GMDS: variants seen among roughly 807,000 people sequenced by gnomAD.
GMDS encodes GDP-mannose 4,6-dehydratase, also known as GDP-mannose 4,6 dehydratase.
Under a neutral mutation model 49.9 loss-of-function variants are expected in GMDS, and 20 were observed. That is an observed-to-expected ratio of 0.40 (90% CI 0.28 to 0.58). The LOEUF is 0.58. Ranked by LOEUF, GMDS falls within the 20% of genes least tolerant of loss-of-function variation. The pLI, the probability that GMDS is intolerant of heterozygous loss-of-function variation, is 0.42. For missense variants in GMDS, 362 were observed against 481.4 expected (o/e 0.75, Z 2.32); for synonymous variants, 177 against 178.6 (o/e 0.99, Z 0.07).
At chr6:1,669,047 C>T (rs1488823171) in intron 9 of GMDS, among the ~76,000 whole-genome samples, 1 of 152,226 alleles carries the variant, frequency 6.6e-6, no homozygotes, top group Non-Finnish European at 1.5e-5. Flanking sequence ...TAGTGAAGAA[C>T]TCTCTGCAAC....
intron 7 of GMDS, among the ~76,000 whole-genome samples, chr6:1,859,702 C>G (rs1361200009): frequency 6.6e-6 from 1 of 152,148 alleles, no homozygotes; most frequent in East Asian, 1.9e-4. Context: ...GAGGTCTGCC[C>G]TTCCACTGAG....
chr6:2,145,332 C>T (rs1171316885), intron 1 of GMDS, among the ~76,000 whole-genome samples: 5 of 151,632 alleles, frequency 3.3e-5, no homozygotes, highest in African/African-American at 4.9e-5. Context: ...GTCAGGAGTT[C>T]GAGACCATCC....
At chr6:1,694,512 T>G (rs1430294272) in intron 9 of GMDS, among the ~76,000 whole-genome samples, 2 of 152,340 alleles carry the variant, frequency 1.3e-5, no homozygotes, top group South Asian at 2.1e-4. Context: ...GCCAGACTTT[T>G]GCTACTTCTT....
intron 7 of GMDS, among the ~76,000 whole-genome samples, chr6:1,899,788 C>T (rs953584831): frequency 3.3e-5 from 5 of 151,636 alleles, no homozygotes; most frequent in African/African-American, 7.3e-5. Context: ...TCTAAGGCCC[C>T]GTGGAGACCT....
chr6:1,838,577 T>C (rs1282174051), intron 7 of GMDS, among the ~76,000 whole-genome samples: 1 of 152,212 alleles, frequency 6.6e-6, no homozygotes, highest in Non-Finnish European at 1.5e-5. Flanking sequence ...GCAATGCAAA[T>C]AAAATATCGA....
intron 9 of GMDS, among the ~76,000 whole-genome samples, chr6:1,651,558 C>G (rs150939105): frequency 1.7e-4 from 26 of 152,304 alleles, no homozygotes; most frequent in African/African-American, 5.8e-4. Context: ...GCACCCAGGG[C>G]GTGGGACATA....
intron 7 of GMDS, among the ~76,000 whole-genome samples, chr6:1,801,420 C>T (rs1325815260): frequency 3.9e-5 from 6 of 152,176 alleles, no homozygotes; most frequent in Non-Finnish European, 5.9e-5. Flanking sequence ...TTTTGTTGGA[C>T]CATGAATATC....
intron 7 of GMDS, among the ~76,000 whole-genome samples, chr6:1,874,507 T>C (rs964889043): frequency 1.3e-5 from 2 of 152,140 alleles, no homozygotes; most frequent in Non-Finnish European, 1.5e-5. Flanking sequence ...TAATTAATCC[T>C]AGTTTCCATG....
intron 7 of GMDS, among the ~76,000 whole-genome samples, chr6:1,906,526 T>G (rs1259200561): frequency 6.6e-6 from 1 of 152,204 alleles, no homozygotes; most frequent in Non-Finnish European, 1.5e-5. Context: ...TAAACCTAGG[T>G]TATCTGAATA....
chr6:1,841,178 T>C (rs193194353), intron 7 of GMDS, among the ~76,000 whole-genome samples: 2 of 152,270 alleles, frequency 1.3e-5, no homozygotes, highest in African/African-American at 4.8e-5. Context: ...TCATGGGCAT[T>C]TACCTTTAAG....
rs147137998 is a variant in GMDS at position 1,690,933 on chromosome 6, T to C, written c.987+35483A>G. Among the ~76,000 whole-genome samples the C allele has an allele frequency of 8.3e-3, 1,268 of 152,298 alleles. 23 individuals carry two copies. The highest frequency in any genetic ancestry group is 0.029 in the African/African-American group (1,198 of 41,574). ...GTGGGAATGTAAATTAGTTCAACCA[T>C]TGTGGATGACAGTGTGGCAATTTCT... is the stretch of plus-strand genomic sequence containing the variant. On this transcript the variant is annotated intron_variant, in intron 9 of 10. Transcript: ENST00000380815.
intron 4 of GMDS, among the ~76,000 whole-genome samples, chr6:2,045,463 T>C (rs1410083535): frequency 6.6e-6 from 1 of 152,128 alleles, no homozygotes; most frequent in Non-Finnish European, 1.5e-5. Flanking sequence ...AAGGACAAAA[T>C]TTCAACATGA....
In GMDS at chr6:2,102,604, T is replaced by C. The variant is rs141111374; in HGVS notation, c.345+13167A>G. On this transcript the variant is annotated intron_variant, in intron 4 of 10. Coordinates refer to ENST00000380815, the MANE Select transcript of GMDS (RefSeq NM_001500.4). ...TGCATTAAGAAAGTCACAGTCTAAATCTAATGCCTGCCAAAGAGGGGCTAA... is the reference window on the plus strand; with the variant it reads ...TGCATTAAGAAAGTCACAGTCTAAACCTAATGCCTGCCAAAGAGGGGCTAA... Among the ~76,000 whole-genome samples the C allele has an allele frequency of 2.5e-3, 380 of 152,306 alleles. 1 individual carries two copies. Among genetic ancestry groups the C allele is most frequent in the African/African-American group, 8.9e-3 (369 of 41,566 alleles).
At chr6:1,634,655 C>T (rs1453293010) in intron 9 of GMDS, among the ~76,000 whole-genome samples, 1 of 152,178 alleles carries the variant, frequency 6.6e-6, no homozygotes, top group African/African-American at 2.4e-5. Context: ...CTTAGAGCCA[C>T]AGTGGGGTTT....
chr6:1,772,240 C>T (rs999321884), intron 7 of GMDS, among the ~76,000 whole-genome samples: 1 of 152,054 alleles, frequency 6.6e-6, no homozygotes, highest in Non-Finnish European at 1.5e-5. Flanking sequence ...CTTTTTTAAC[C>T]CCTGAGGGTA....
At chr6:1,916,436 GGA>G (rs1189770130) in intron 7 of GMDS, among the ~76,000 whole-genome samples, 5 of 151,782 alleles carry the variant, frequency 3.3e-5, no homozygotes, top group African/African-American at 4.8e-5. Flanking sequence ...TGAAAGAAAG[GGA>G]GAGAGAGAGG....
rs17134693 is a variant in GMDS at position 2,115,758 on chromosome 6, T to A, written c.345+13A>T. ...AGAAACACGGCCAGAGAAATCCCAA[T>A]GAAAATGCTTACTTTGACGTGGCTC... On this transcript the variant is annotated intron_variant, in intron 4 of 10. Transcript: ENST00000380815. 7.3e-7 allele frequency: 1 copy of A among 1,369,684 alleles called. No homozygotes were observed. The highest frequency in any genetic ancestry group is 1.2e-5 in the South Asian group (1 of 86,062). The allele number at this position is 1,369,684 out of a possible 1,614,324, so 84.8% of individuals were successfully genotyped here. A position where few individuals can be genotyped will look rare whatever the true frequency, so the allele number is the denominator to read the frequency against.
chr6:1,717,330 GT>G (rs1401583792), intron 9 of GMDS, among the ~76,000 whole-genome samples: 2 of 152,210 alleles, frequency 1.3e-5, no homozygotes, highest in Non-Finnish European at 2.9e-5. Context: ...ACAAAGATGG[GT>G]TTTTGCAGAC....
At chr6:2,181,866 A>G (rs1581760165) in intron 1 of GMDS, among the ~76,000 whole-genome samples, 1 of 152,220 alleles carries the variant, frequency 6.6e-6, no homozygotes, top group African/African-American at 2.4e-5. Context: ...CATGTGTTCA[A>G]GTGAAAGGAA....
Sources: gnomAD v4.1 joint callset for allele counts (sites outside exome capture counted in the v4.1 genomes callset) on GRCh38, gnomAD v4.1.1 for gene constraint, MANE v1.5 for transcripts, NCBI Gene and HGNC (gene_info 2026-07-23, HGNC 2026-07-21) for gene names.